The following PCDHGB6 variants were observed in gnomAD, a reference collection of about 807,000 sequenced individuals.
PCDHGB6 encodes protocadherin gamma subfamily B, 6.
In PCDHGB6, 51 loss-of-function variants were observed where a neutral mutation model predicts 59.1. The observed-to-expected ratio is 0.86, with a 90% CI of 0.69 to 1.09. The LOEUF is 1.09. PCDHGB6 is among the 50% of genes least tolerant of loss of function. PCDHGB6 has a pLI of 0.00. For missense variants in PCDHGB6, 1,148 were observed against 1,205.1 expected, an observed-to-expected ratio of 0.95 and a Z score of 0.70; for synonymous variants, 466 against 495.1, an observed-to-expected ratio of 0.94 and a Z score of 0.78.
At chr5:141,458,064 C>G (rs886724551) in intron 1 of PCDHGB6, among the ~76,000 whole-genome samples, 1 of 152,104 alleles carries the variant, frequency 6.6e-6, no homozygotes, top group Admixed American at 6.6e-5. Flanking sequence ...TGCACTGATG[C>G]GAACAACTAT....
At chr5:141,466,871 T>G (rs1432611218) in intron 1 of PCDHGB6, among the ~76,000 whole-genome samples, 1 of 152,166 alleles carries the variant, frequency 6.6e-6, no homozygotes, top group Admixed American at 6.5e-5. Flanking sequence ...ATCCACACAT[T>G]TTTTTCATAA....
chr5:141,409,423 T>C lies in PCDHGB6; in HGVS notation c.1221T>C (p.Asp407=). 6.2e-7 allele frequency: 1 copy of C among 1,614,026 alleles called. No individual in the cohort carries two copies. The change falls in exon 1 of 4, where the codon GAT becomes GAC. Residue 407 remains aspartate (D), a synonymous_variant. Transcript: ENST00000520790. Reference sequence around the variant, plus strand: ...ATAACTACTACAAACTGGTGACAGATGGAGCCCTGGACCGAGAGCAGACAC... The same window carrying C: ...ATAACTACTACAAACTGGTGACAGACGGAGCCCTGGACCGAGAGCAGACAC... ...SSNNYYKLVT[D]GALDREQTPE...
intron 1 of PCDHGB6, chr5:141,415,388 G>A (rs752789407): frequency 1.2e-6 from 2 of 1,614,236 alleles, no homozygotes; most frequent in Non-Finnish European, 1.7e-6. Context: ...GGCTTGACAG[G>A]TGTGTCCGGC....
At chr5:141,427,400 A>T in intron 1 of PCDHGB6, 1 of 461,200 alleles carries the variant, frequency 2.2e-6, no homozygotes, top group Non-Finnish European at 4.3e-6. Context: ...CACATGATAA[A>T]GATTCGAGAG....
chr5:141,415,210 C>G lies in PCDHGB6; in HGVS notation c.2418+4590C>G, dbSNP rs2095843973. The G allele has an allele frequency of 2.5e-6, 4 of 1,614,068 alleles. No individual in the cohort carries two copies. The highest frequency in any genetic ancestry group is 1.6e-4 in the Middle Eastern group (1 of 6,062). ...CAGCATCCCCCAAGTCCTGGCGGAC[C>G]TCGGCAGCTTCGAGTCTCCAGCTAA... is the stretch of plus-strand genomic sequence containing the variant. On this transcript the variant is annotated intron_variant, in intron 1 of 3. Coordinates refer to ENST00000520790, the MANE Select transcript of PCDHGB6 (RefSeq NM_018926.3).
At chr5:141,435,593 G>A (rs183768133) in intron 1 of PCDHGB6, among the ~76,000 whole-genome samples, 9 of 152,112 alleles carry the variant, frequency 5.9e-5, no homozygotes, top group Admixed American at 2.6e-4. Flanking sequence ...CAGTAATATC[G>A]CCTGCTTTTT....
intron 2 of PCDHGB6, among the ~76,000 whole-genome samples, chr5:141,501,331 ACACC>A (rs747366952): frequency 1.4e-5 from 2 of 138,844 alleles, no homozygotes; most frequent in Non-Finnish European, 3.2e-5. Context: ...ACACACACAC[ACACC>A]CCAAACTCAA....
intron 1 of PCDHGB6, among the ~76,000 whole-genome samples, chr5:141,454,596 G>C (rs1184158084): frequency 1.3e-5 from 2 of 151,324 alleles, no homozygotes; most frequent in Non-Finnish European, 2.9e-5. Flanking sequence ...AGTAGAGACA[G>C]GGTTTCTCCA....
chr5:141,483,009 C>T (rs538900128), intron 1 of PCDHGB6, among the ~76,000 whole-genome samples: 4 of 151,942 alleles, frequency 2.6e-5, no homozygotes, highest in Non-Finnish European at 5.9e-5. Flanking sequence ...TGCTTGAACC[C>T]GGGAGGCAGA....
intron 1 of PCDHGB6, chr5:141,422,190 A>G (rs761351024): frequency 6.4e-7 from 1 of 1,561,412 alleles, no homozygotes. Flanking sequence ...TGGAAATTCA[A>G]GGCCAAGATG....
At chr5:141,503,004 C>T (rs114294610) in intron 2 of PCDHGB6, among the ~76,000 whole-genome samples, 5,013 of 145,894 alleles carry the variant, frequency 0.034, 127 homozygotes, top group South Asian at 0.076. Context: ...CCACCATGCC[C>T]GGTTAATTTT....
At chr5:141,478,269 A>G in intron 1 of PCDHGB6, 1 of 1,614,146 alleles carries the variant, frequency 6.2e-7, no homozygotes, top group Non-Finnish European at 8.5e-7. Flanking sequence ...TTCAAAGTTT[A>G]CAAGTGGAAG....
chr5:141,427,820 G>A (rs2097075272), intron 1 of PCDHGB6: 2 of 1,532,144 alleles, frequency 1.3e-6, no homozygotes, highest in East Asian at 4.5e-5. Flanking sequence ...GCGGGGTGGT[G>A]GTCGCGCAGC....
intron 2 of PCDHGB6, among the ~76,000 whole-genome samples, chr5:141,500,674 G>T (rs554174451): frequency 4.2e-4 from 64 of 152,122 alleles, no homozygotes; most frequent in Non-Finnish European, 6.6e-4. Flanking sequence ...CTGTCCAACA[G>T]AATTATAGCT....
chr5:141,423,674 C>G (rs57195665), intron 1 of PCDHGB6: 15 of 1,514,742 alleles, frequency 9.9e-6, no homozygotes, highest in African/African-American at 2.9e-5. Flanking sequence ...AGATTTATTT[C>G]TCTGCCTCCT....
Position 141,408,641 on chromosome 5 carries a change from T to C in PCDHGB6, c.439T>C (p.Ser147Pro). The change falls in exon 1 of 4, where the codon TCC becomes CCC. Residue 147 changes from serine to proline, a missense_variant. Transcript: ENST00000520790. ...ACATTTAGAAATTTTCGAATCTGCA[T>C]CCGCTGGTACACGACTATCGCTTGA... ...EIHLEIFESA[S>P]AGTRLSLDPA... 6.2e-7 allele frequency: 1 copy of C among 1,614,034 alleles called. No individual in the cohort carries two copies. Among genetic ancestry groups the C allele is most frequent in the Non-Finnish European group, 8.5e-7 (1 of 1,179,890 alleles).
chr5:141,427,683 G>T, intron 1 of PCDHGB6: 1 of 836,052 alleles, frequency 1.2e-6, no homozygotes, highest in African/African-American at 1.7e-5. Context: ...CCTTCCCGGA[G>T]CCTCCATCCC....
In PCDHGB6 at chr5:141,498,877, G is replaced by A. The variant is rs886444261; in HGVS notation, c.2477+4012G>A. ...GAACCCAGGAGGCGGAGGTTGCAGTGAGCTGAGATCACACCACTGCACTCC... is the reference window on the plus strand; with the variant it reads ...GAACCCAGGAGGCGGAGGTTGCAGTAAGCTGAGATCACACCACTGCACTCC... On this transcript the variant is annotated intron_variant, in intron 2 of 3. Coordinates refer to ENST00000520790, the MANE Select transcript of PCDHGB6 (RefSeq NM_018926.3). Among the ~76,000 whole-genome samples, 8 of 149,816 alleles carry A rather than the reference G, an allele frequency of 5.3e-5. No individual in the cohort carries two copies. In the East Asian group the frequency reaches 1.4e-3, roughly 26 times the overall value.
chr5:141,506,262 A>G (rs1395369571), intron 3 of PCDHGB6, among the ~76,000 whole-genome samples: 1 of 152,046 alleles, frequency 6.6e-6, no homozygotes, highest in Admixed American at 6.6e-5. Context: ...CGGCCTGGCC[A>G]ACATAGTGAA....
Sources: gnomAD v4.1 joint callset for allele counts (sites outside exome capture counted in the v4.1 genomes callset) on GRCh38, gnomAD v4.1.1 for gene constraint, MANE v1.5 for transcripts, NCBI Gene and HGNC (gene_info 2026-07-23, HGNC 2026-07-21) for gene names.